The following LRRN4 variants were observed in gnomAD, a reference collection of about 807,000 sequenced individuals.
LRRN4 encodes the protein leucine-rich repeat neuronal protein 4.
A neutral mutation model predicts 22.3 loss-of-function variants in LRRN4; 26 were observed. The observed-to-expected ratio is 1.16, with a 90% CI of 0.85 to 1.62. The LOEUF is 1.62. Ranked by LOEUF, LRRN4 falls within the 40% of genes most tolerant of loss-of-function variation. LRRN4 has a pLI of 0.00. For synonymous variants in LRRN4, 496 were observed against 486.2 expected, an observed-to-expected ratio of 1.02 and a Z score of -0.26; for missense variants, 1,070 against 1,008.5, an observed-to-expected ratio of 1.06 and a Z score of -0.83.
chr20:6,041,493 C>G lies in LRRN4; in HGVS notation c.1752G>C (p.Arg584Ser), dbSNP rs1395547882. Residue 584 changes from arginine (R) to serine (S), a missense_variant, in exon 5 of 5, where the codon AGG becomes AGC. By Grantham distance (110) the Arg-to-Ser change is moderately radical. Transcript: ENST00000378858. This position sits in a 1 kb window ranked among gnomAD's most constrained non-coding sequence, Gnocchi z 9.4. ...CCGTGGTCTCCGTCACCCCCTGCAG[C>G]CTGGGCGGGTCTGGGATGGTGTCTT... ...SGEDTIPDPP[R>S]LQGVTETTDT... is the part of the protein sequence containing the mutation. 1 of 1,558,998 alleles carries G rather than the reference C, an allele frequency of 6.4e-7. No homozygotes were observed. The highest frequency in any genetic ancestry group is 1.2e-5 in the South Asian group (1 of 81,748).
intron 3 of LRRN4, among the ~76,000 whole-genome samples, chr20:6,048,731 A>G (rs1981169134): frequency 6.6e-6 from 1 of 152,204 alleles, no homozygotes. Flanking sequence ...TTTACTATCC[A>G]GCAGGCAATT....
chr20:6,046,507 C>G (rs1455479819), intron 3 of LRRN4, among the ~76,000 whole-genome samples: 1 of 148,526 alleles, frequency 6.7e-6, no homozygotes, highest in African/African-American at 2.4e-5. Context: ...TCTCGACTCC[C>G]TGAGTCTCCT....
At position 6,052,390 on chromosome 20, in the gene LRRN4, A is replaced by G. The variant is rs773571069; in HGVS notation, c.410T>C (p.Leu137Pro). 12 of 1,527,576 alleles carry G rather than the reference A, an allele frequency of 7.9e-6. No homozygotes were observed. In the East Asian group the frequency reaches 1.8e-4, roughly 23 times the overall value. The allele number at this position is 1,527,576 out of a possible 1,614,324, so 94.6% of individuals were successfully genotyped here. Residue 137 changes from leucine (L) to proline (P), a missense_variant, in exon 2 of 5, where the codon CTG (leucine) becomes CCG (proline). Transcript: ENST00000378858. ...CAGCGCGGGCCCGGTGCACGGCGGC[A>G]GAGCGGCCAGCTGGTTGTAGCTGAG... ...LDLSYNQLAA[L>P]PPCTGPALSS...
At chr20:6,051,086 G>T in intron 2 of LRRN4, 103 bp from the exon 3 acceptor site, 4 of 980,682 alleles carry the variant, frequency 4.1e-6, no homozygotes, top group Non-Finnish European at 6.3e-6. Flanking sequence ...AATGGTGAAG[G>T]TCATCGCTGA....
In LRRN4 at chr20:6,049,025, G is replaced by A. The variant is rs536501320; in HGVS notation, c.860+1754C>T. On this transcript the variant is annotated intron_variant, in intron 3 of 4. Transcript: ENST00000378858. Reference sequence around the variant, plus strand: ...GAAATAAACAATAGGCTCCACAGACGTAAGTGTCCACTGACTTGGCAGCTG... The same window carrying A: ...GAAATAAACAATAGGCTCCACAGACATAAGTGTCCACTGACTTGGCAGCTG... 2.4e-4 allele frequency among the ~76,000 whole-genome samples: 37 copies of A among 152,308 alleles called. No individual in the cohort carries two copies. In the Middle Eastern group the frequency reaches 0.014, roughly 56 times the overall value.
chr20:6,048,256 T>C (rs1040847270), intron 3 of LRRN4, among the ~76,000 whole-genome samples: 24 of 151,708 alleles, frequency 1.6e-4, no homozygotes, highest in African/African-American at 5.1e-4. Context: ...CATACCTTCT[T>C]GATCTCCTTT....
intron 2 of LRRN4, among the ~76,000 whole-genome samples, chr20:6,051,325 C>A (rs1981240136): frequency 6.6e-6 from 1 of 152,224 alleles, no homozygotes. Flanking sequence ...AAAGTCCACA[C>A]AGAAAATAAC....
In LRRN4 at chr20:6,041,733, G is replaced by C. The variant is rs367911236; in HGVS notation, c.1512C>G (p.His504Gln). 3.1e-6 allele frequency: 5 copies of C among 1,613,788 alleles called. No individual in the cohort carries two copies. Among genetic ancestry groups the C allele is most frequent in the Non-Finnish European group, 4.2e-6 (5 of 1,179,844 alleles). ...ISSPQPGQRT[H>Q]ATPQAPNPSL... ...TCGGGTTGGGGGCTTGGGGTGTGGCGTGTGTCCTCTGGCCGGGCTGAGGCG... is the reference window on the plus strand; with the variant it reads ...TCGGGTTGGGGGCTTGGGGTGTGGCCTGTGTCCTCTGGCCGGGCTGAGGCG... Residue 504 changes from histidine (H) to glutamine (Q), a missense_variant, in exon 5 of 5, where the codon CAC (histidine) becomes CAG (glutamine). By Grantham distance (24) the His-to-Gln change is conservative. Coordinates refer to ENST00000378858, the MANE Select transcript of LRRN4 (RefSeq NM_152611.5). The surrounding 1 kb of genome is among the most constrained non-coding windows in gnomAD (Gnocchi z 9.4).
Position 6,050,761 on chromosome 20 carries a change from T to G in LRRN4, c.860+18A>C. ...AAAAATCAGTCATGTGATGAAGATG[T>G]GCCTCAGAAGCACTTACTTCTGGAA... On this transcript the variant is annotated intron_variant, in intron 3 of 4. Transcript: ENST00000378858. 6.2e-7 allele frequency: 1 copy of G among 1,610,300 alleles called. No individual in the cohort carries two copies. Among genetic ancestry groups the G allele is most frequent in the Non-Finnish European group, 8.5e-7 (1 of 1,176,850 alleles).
chr20:6,049,723 G>A (rs937173718), intron 3 of LRRN4, among the ~76,000 whole-genome samples: 22 of 152,034 alleles, frequency 1.4e-4, no homozygotes, highest in African/African-American at 5.1e-4. Context: ...GGCTGGTCTC[G>A]AACTCCTGAC....
In LRRN4 at chr20:6,041,558, G is replaced by A. The variant is rs1980948964; in HGVS notation, c.1687C>T (p.Gln563Ter). 1 of 1,553,770 alleles carries A rather than the reference G, an allele frequency of 6.4e-7. No individual in the cohort carries two copies. Among genetic ancestry groups the A allele is most frequent in the Non-Finnish European group, 8.7e-7 (1 of 1,148,384 alleles). The change falls in exon 5 of 5, where the codon CAG becomes TAG. Residue 563 changes from glutamine (Q) to a stop codon, truncating the protein, a stop_gained. Coordinates refer to ENST00000378858, the MANE Select transcript of LRRN4 (RefSeq NM_152611.5). LOFTEE classifies it low-confidence loss of function (END_TRUNC). This position sits in a 1 kb window ranked among gnomAD's most constrained non-coding sequence, Gnocchi z 9.4. ...KHLQTPCAEL[Q>*]RRWRCRCPGL... ...GGGCACCGGCACCGCCACCGCCTCT[G>A]CAGCTCCGCGCACGGGGTCTGCAGG...
At chr20:6,042,276 G>A (rs750377706) in intron 4 of LRRN4, 30 bp from the exon 5 acceptor site, 25 of 1,579,526 alleles carry the variant, frequency 1.6e-5, no homozygotes, top group South Asian at 1.3e-4. Context: ...GTTAGAAGAC[G>A]TCTGGCTTCA....
chr20:6,045,174 C>G (rs938527350), intron 3 of LRRN4, among the ~76,000 whole-genome samples: 1 of 148,718 alleles, frequency 6.7e-6, no homozygotes, highest in Non-Finnish European at 1.5e-5. Flanking sequence ...CACGGTGGCT[C>G]ATACCTGTAA....
rs1980924131 is a variant in LRRN4 at position 6,041,203 on chromosome 20, G to T, written c.2042C>A (p.Ala681Glu). The part of the protein sequence containing the change: ...CAAFTTKPSF[A>E]LLLSGLCAAS... Reference sequence around the variant, plus strand: ...GGCGCACAGCCCAGAGAGCAGGAGCGCGAAGCTGGGCTTGGTGGTGAAGGC... The same window carrying T: ...GGCGCACAGCCCAGAGAGCAGGAGCTCGAAGCTGGGCTTGGTGGTGAAGGC... The change falls in exon 5 of 5, where the codon GCG becomes GAG. Residue 681 changes from alanine to glutamate, a missense_variant. Coordinates refer to ENST00000378858, the MANE Select transcript of LRRN4 (RefSeq NM_152611.5). The surrounding 1 kb of genome is among the most constrained non-coding windows in gnomAD (Gnocchi z 9.4). 6.3e-7 allele frequency: 1 copy of T among 1,587,892 alleles called. No individual in the cohort carries two copies. The highest frequency in any genetic ancestry group is 1.3e-5 in the African/African-American group (1 of 74,272).
At chr20:6,046,391 T>C (rs1981099831) in intron 3 of LRRN4, among the ~76,000 whole-genome samples, 1 of 148,536 alleles carries the variant, frequency 6.7e-6, no homozygotes, top group Non-Finnish European at 1.5e-5. Context: ...GGGGAATTAC[T>C]GAGGCCATTT....
chr20:6,041,702 A>G lies in LRRN4; in HGVS notation c.1543T>C (p.Ser515Pro). 1 of 1,613,224 alleles carries G rather than the reference A, an allele frequency of 6.2e-7. No individual in the cohort carries two copies. Among genetic ancestry groups the G allele is most frequent in the Non-Finnish European group, 8.5e-7 (1 of 1,179,478 alleles). The change falls in exon 5 of 5, where the codon TCC becomes CCC. Residue 515 changes from serine to proline, a missense_variant. Transcript: ENST00000378858. The surrounding 1 kb of genome is among the most constrained non-coding windows in gnomAD (Gnocchi z 9.4). ...AGCAAGACTGGAATCTCGCCCTCGG[A>G]AAGACTCGGGTTGGGGGCTTGGGGT... ...ATPQAPNPSL[S>P]EGEIPVLLLD...
rs75767292 is a variant in LRRN4 at position 6,040,660 on chromosome 20, T to C, written c.*362A>G. The C allele has an allele frequency of 0.014, 2,939 of 207,738 alleles. 93 individuals carry two copies. Among genetic ancestry groups the C allele is most frequent in the African/African-American group, 0.063 (2,704 of 42,658 alleles). 12.9% of individuals were successfully genotyped at this position (207,738 alleles called of 1,614,324 possible). ...TGATTTCTAACATGATCAAAGAGGCTGGGTTATGCAACTTCTCTGTTTCAT... is the reference window on the plus strand; with the variant it reads ...TGATTTCTAACATGATCAAAGAGGCCGGGTTATGCAACTTCTCTGTTTCAT... On this transcript the variant is annotated 3_prime_UTR_variant, in exon 5 of 5. Coordinates refer to ENST00000378858, the MANE Select transcript of LRRN4 (RefSeq NM_152611.5).
intron 3 of LRRN4, among the ~76,000 whole-genome samples, chr20:6,050,382 A>G (rs1259014724): frequency 6.6e-6 from 1 of 152,204 alleles, no homozygotes; most frequent in Non-Finnish European, 1.5e-5. Context: ...CAATATCAAT[A>G]CTTTCATCCC....
Position 6,052,315 on chromosome 20 carries a change from T to C in LRRN4, c.485A>G (p.Gln162Arg). Residue 162 changes from glutamine to arginine, a missense_variant, in exon 2 of 5, where the codon CAG (glutamine) becomes CGG (arginine). Coordinates refer to ENST00000378858, the MANE Select transcript of LRRN4 (RefSeq NM_152611.5). ...GGGGAAGCAGGCGAAGGCCCGGGGC[T>C]GCAGCGCCCGCAGCGGATTCCCGGC... is the stretch of plus-strand genomic sequence containing the variant. ...ALAGNPLRAL[Q>R]PRAFACFPAL... is the part of the protein sequence containing the mutation. 5 of 1,519,966 alleles carry C rather than the reference T, an allele frequency of 3.3e-6. No individual in the cohort carries two copies. The highest frequency in any genetic ancestry group is 3.5e-6 in the Non-Finnish European group (4 of 1,139,592). 94.2% of individuals were successfully genotyped at this position (1,519,966 alleles called of 1,614,324 possible).
Sources: gnomAD v4.1 joint callset for allele counts (sites outside exome capture counted in the v4.1 genomes callset) on GRCh38, gnomAD v4.1.1 for gene constraint, Gnocchi (gnomAD v3.1) non-coding constraint, MANE v1.5 for transcripts, NCBI Gene and HGNC (gene_info 2026-07-23, HGNC 2026-07-21) for gene names.